The following NRF1 variants were observed in gnomAD, a reference collection of about 807,000 sequenced individuals.
NRF1 encodes alpha palindromic-binding protein.
Under a neutral mutation model 58.5 loss-of-function variants are expected in NRF1, and 5 were observed. The ratio of observed to expected loss-of-function variants is 0.09; its 90% CI spans 0.04 to 0.18. NRF1 has a LOEUF of 0.18. Ranked by LOEUF, NRF1 falls within the 10% of genes least tolerant of loss-of-function variation. NRF1 has a pLI of 1.00. For missense variants in NRF1, 288 were observed against 657.7 expected (o/e 0.44, Z 6.15); for synonymous variants, 224 against 246.7 (o/e 0.91, Z 0.86).
At chr7:129,684,756 T>C (rs770234767) in intron 4 of NRF1, among the ~76,000 whole-genome samples, 1 of 152,206 alleles carries the variant, frequency 6.6e-6, no homozygotes, top group Non-Finnish European at 1.5e-5. Flanking sequence ...GAAAGTAGTA[T>C]AGTGAAAGCC....
intron 5 of NRF1, among the ~76,000 whole-genome samples, chr7:129,701,276 C>T (rs1026159570): frequency 1.4e-4 from 21 of 151,778 alleles, no homozygotes; most frequent in African/African-American, 4.4e-4. Context: ...AAAACATTTC[C>T]CCCATATCAG....
intron 1 of NRF1, among the ~76,000 whole-genome samples, chr7:129,633,187 A>G (rs1801089343): frequency 6.6e-6 from 1 of 152,214 alleles, no homozygotes; most frequent in Non-Finnish European, 1.5e-5. Flanking sequence ...ATTACTGAAC[A>G]TGCTTTTAAA....
chr7:129,659,312 C>G (rs1353291388), intron 2 of NRF1, among the ~76,000 whole-genome samples: 1 of 152,058 alleles, frequency 6.6e-6, no homozygotes, highest in Non-Finnish European at 1.5e-5. Context: ...TTCCTGACCT[C>G]GGGTGATCCA....
intron 4 of NRF1, among the ~76,000 whole-genome samples, chr7:129,682,720 T>C (rs1446772555): frequency 6.6e-6 from 1 of 151,624 alleles, no homozygotes; most frequent in East Asian, 1.9e-4. Flanking sequence ...GAGGATTACT[T>C]GAGCCTAGGA....
rs1302004294 is a variant in NRF1 at position 129,710,462 on chromosome 7, AGCAAAC to A, written c.861_866del (p.Thr289_Gln290del). On this transcript the variant is annotated inframe_deletion, in exon 7 of 11. Transcript: ENST00000393232. ...GACCTTTTGTATGCCTTTGAAGATC[AGCAAAC>A]GCAAACACAGGCCACAGCCACACAT... The A allele has an allele frequency of 6.2e-7, 1 of 1,613,850 alleles. No homozygotes were observed. The highest frequency in any genetic ancestry group is 8.5e-7 in the Non-Finnish European group (1 of 1,179,696).
intron 10 of NRF1, among the ~76,000 whole-genome samples, chr7:129,730,991 G>T (rs1241947857): frequency 1.4e-5 from 2 of 146,282 alleles, no homozygotes; most frequent in African/African-American, 5.1e-5. Context: ...AAAAAAAAAA[G>T]CCAGGCTCAG....
intron 5 of NRF1, among the ~76,000 whole-genome samples, chr7:129,705,371 A>G (rs1460867270): frequency 1.3e-5 from 2 of 151,836 alleles, no homozygotes; most frequent in Non-Finnish European, 2.9e-5. Context: ...GCTCACTGCA[A>G]CCTCCGCCTC....
At chr7:129,621,781 AT>A (rs11286994) in intron 1 of NRF1, among the ~76,000 whole-genome samples, 52,043 of 128,442 alleles carry the variant, frequency 0.41, 8,728 homozygotes, top group East Asian at 0.59. Context: ...TCTCCATAGA[AT>A]TTTTTTTTTT....
At chr7:129,742,568 T>A (rs1324241197) in intron 10 of NRF1, among the ~76,000 whole-genome samples, 1 of 152,194 alleles carries the variant, frequency 6.6e-6, no homozygotes, top group Non-Finnish European at 1.5e-5. Flanking sequence ...TGGAGGGTGT[T>A]AAAATAAGTT....
At chr7:129,745,642 T>C (rs1803959760) in intron 10 of NRF1, among the ~76,000 whole-genome samples, 3 of 152,064 alleles carry the variant, frequency 2.0e-5, no homozygotes, top group Admixed American at 1.3e-4. Flanking sequence ...CCATTTTCAG[T>C]TTAAAGCCTT....
chr7:129,684,227 T>C (rs1802393090), intron 4 of NRF1, among the ~76,000 whole-genome samples: 1 of 151,578 alleles, frequency 6.6e-6, no homozygotes, highest in Non-Finnish European at 1.5e-5. Flanking sequence ...GAATTGGTTC[T>C]ATAAAAAGTC....
chr7:129,701,591 C>CAA (rs59228978), intron 5 of NRF1, among the ~76,000 whole-genome samples: 1 of 93,172 alleles, frequency 1.1e-5, no homozygotes, highest in African/African-American at 4.1e-5. Context: ...GAGGCTGTCT[C>CAA]AAAAAAAAAA....
At chr7:129,615,033 T>G (rs1157435175) in intron 1 of NRF1, among the ~76,000 whole-genome samples, 2 of 152,228 alleles carry the variant, frequency 1.3e-5, no homozygotes. Flanking sequence ...AATAAGGCAT[T>G]CAGTAAAGTT....
At chr7:129,732,821 C>T (rs990089536) in intron 10 of NRF1, among the ~76,000 whole-genome samples, 1 of 152,102 alleles carries the variant, frequency 6.6e-6, no homozygotes, top group East Asian at 1.9e-4. Context: ...AGGCTGGTCT[C>T]GAACTCCCGA....
At chr7:129,692,474 G>C (rs1489830391) in intron 5 of NRF1, among the ~76,000 whole-genome samples, 12 of 152,070 alleles carry the variant, frequency 7.9e-5, no homozygotes, top group East Asian at 1.9e-4. Flanking sequence ...GATCGTTTGA[G>C]CCCCAGAGGT....
chr7:129,653,980 T>C (rs1358282559), intron 1 of NRF1, among the ~76,000 whole-genome samples: 3 of 152,228 alleles, frequency 2.0e-5, no homozygotes, highest in Non-Finnish European at 4.4e-5. Context: ...CTCCTTTGGG[T>C]CAATACAAAG....
chr7:129,710,751 A>T (rs1803054065), intron 7 of NRF1, among the ~76,000 whole-genome samples, 180 bp downstream of exon 7: 1 of 152,176 alleles, frequency 6.6e-6, no homozygotes, highest in Non-Finnish European at 1.5e-5. Flanking sequence ...CATTTGCTAA[A>T]TACAGAGCTA....
Position 129,736,389 on chromosome 7 carries a change from C to A in NRF1, c.1348+9024C>A, listed in dbSNP as rs1052695914. ...CTCCACCTCCTGGGTTCAAGCGATT[C>A]TCCTGCCTCAGCCTCCTGAGAGAGC... On this transcript the variant is annotated intron_variant, in intron 10 of 10. Coordinates refer to ENST00000393232, the MANE Select transcript of NRF1 (RefSeq NM_005011.5). Among the ~76,000 whole-genome samples the A allele has an allele frequency of 8.7e-5, 13 of 150,044 alleles. No individual in the cohort carries two copies. The Admixed American group carries it at 8.7e-4, about 10-fold the overall frequency.
chr7:129,738,766 C>G (rs1803780360), intron 10 of NRF1, among the ~76,000 whole-genome samples: 1 of 152,152 alleles, frequency 6.6e-6, no homozygotes, highest in Non-Finnish European at 1.5e-5. Context: ...ATCTTCTGAG[C>G]CCTGTTCAGA....
Sources: allele counts gnomAD v4.1 joint callset (sites outside exome capture counted in the v4.1 genomes callset), GRCh38; gene constraint gnomAD v4.1.1; transcripts MANE v1.5; gene names NCBI Gene and HGNC (gene_info 2026-07-23, HGNC 2026-07-21).